Variants in VEPH1 observed in about 807,000 individuals in gnomAD.
VEPH1 encodes ventricular zone expressed PH domain containing 1.
VEPH1 carries 80 observed loss-of-function variants against 85.2 expected under a neutral mutation model. That is an observed-to-expected ratio of 0.94 (90% confidence interval 0.78 to 1.13). The LOEUF (loss-of-function observed/expected upper bound fraction) is 1.13. Ranked by LOEUF, VEPH1 falls within the 50% of genes most tolerant of loss-of-function variation. The pLI, the probability that VEPH1 is intolerant of heterozygous loss-of-function variation, is 0.00. For synonymous variants in VEPH1, 297 were observed against 348.0 expected (o/e 0.85, Z 1.63); for missense variants, 955 against 980.5 (o/e 0.97, Z 0.35).
chr3:157,310,588 G>A (rs1186706150), intron 11 of VEPH1, among the ~76,000 whole-genome samples: 1 of 152,202 alleles, frequency 6.6e-6, no homozygotes, highest in East Asian at 1.9e-4. Flanking sequence ...CAAAATTTCA[G>A]TTTCTAACAA....
chr3:157,482,225 T>TTTTC (rs1738173745), intron 2 of VEPH1, among the ~76,000 whole-genome samples: 1 of 151,234 alleles, frequency 6.6e-6, no homozygotes, highest in Non-Finnish European at 1.5e-5. Context: ...TTGGTAGGTT[T>TTTTC]TTTGTTTGTT....
rs73013622 is a variant in VEPH1, at chr3:157,486,102, A to G, written c.138+9110T>C. ...CAAAATTTGAACAATATCATTAACA[A>G]GAGTTATTTAATCAACATATTTAAT... On this transcript the variant is annotated intron_variant, in intron 2 of 13. Coordinates refer to ENST00000362010, the MANE Select transcript of VEPH1 (RefSeq NM_001167912.2). 3.3e-3 allele frequency among the ~76,000 whole-genome samples: 499 copies of G among 150,210 alleles called. 2 individuals are homozygous for G. Among genetic ancestry groups the G allele is most frequent in the African/African-American group, 0.012 (471 of 39,544 alleles).
chr3:157,481,716 T>C (rs1035373778), intron 2 of VEPH1, among the ~76,000 whole-genome samples: 1 of 152,180 alleles, frequency 6.6e-6, no homozygotes, highest in Non-Finnish European at 1.5e-5. Context: ...TAGATTATCT[T>C]TGAGGATTCT....
chr3:157,271,891 CTG>C (rs1460318666), intron 12 of VEPH1, among the ~76,000 whole-genome samples: 1 of 152,160 alleles, frequency 6.6e-6, no homozygotes, highest in African/African-American at 2.4e-5. Flanking sequence ...AAAGTGGAAA[CTG>C]TATTTCTCAA....
At chr3:157,456,030 C>T (rs189471167) in intron 4 of VEPH1, among the ~76,000 whole-genome samples, 44 of 152,158 alleles carry the variant, frequency 2.9e-4, no homozygotes, top group African/African-American at 1.0e-3. Flanking sequence ...ATTCCTTTTT[C>T]TCCACAACCT....
intron 4 of VEPH1, among the ~76,000 whole-genome samples, chr3:157,445,491 C>T (rs368963206): frequency 4.6e-5 from 7 of 152,206 alleles, no homozygotes; most frequent in African/African-American, 1.7e-4. Flanking sequence ...CATGGTGGTA[C>T]GCACCTGCAG....
intron 2 of VEPH1, among the ~76,000 whole-genome samples, chr3:157,486,665 C>G (rs1738680916): frequency 6.6e-6 from 1 of 151,966 alleles, no homozygotes; most frequent in Non-Finnish European, 1.5e-5. Flanking sequence ...ATACTTATCT[C>G]AAAAATTTAC....
intron 9 of VEPH1, among the ~76,000 whole-genome samples, chr3:157,327,163 T>C (rs1721997814): frequency 6.6e-6 from 1 of 152,088 alleles, no homozygotes; most frequent in Non-Finnish European, 1.5e-5. Context: ...ACCATTATCC[T>C]TCAGGCAAGA....
chr3:157,412,135 C>G (rs1259071754), intron 6 of VEPH1, among the ~76,000 whole-genome samples: 3 of 152,100 alleles, frequency 2.0e-5, no homozygotes, highest in Admixed American at 2.0e-4. Flanking sequence ...TGAGGCCTCC[C>G]CAAAAGCTGA....
At chr3:157,458,312 CTT>C (rs1735548208) in intron 4 of VEPH1, among the ~76,000 whole-genome samples, 1 of 152,048 alleles carries the variant, frequency 6.6e-6, no homozygotes, top group South Asian at 2.1e-4. Flanking sequence ...TTATTTGTGT[CTT>C]AATCGCCTTC....
rs973675659 is a variant in VEPH1, at chr3:157,317,124, T to C, written c.1813A>G (p.Ser605Gly). The C allele has an allele frequency of 6.2e-7, 1 of 1,613,646 alleles. No homozygotes were observed. The highest frequency in any genetic ancestry group is 1.3e-5 in the African/African-American group (1 of 74,910). Reference sequence around the variant, plus strand: ...GGTTCTTGGCTGATGAGAATAAAACTGGACTTACTGTATAGGCAGTAATGA... The same window carrying C: ...GGTTCTTGGCTGATGAGAATAAAACCGGACTTACTGTATAGGCAGTAATGA... ...KGHYCLYSKS[S>G]FILISQEPQP... The change falls in exon 10 of 14, where the codon AGT becomes GGT. Residue 605 changes from serine (S) to glycine (G), a missense_variant. Ser to Gly is a moderately conservative substitution (Grantham distance 56, BLOSUM62 0). Transcript: ENST00000362010.
intron 9 of VEPH1, among the ~76,000 whole-genome samples, chr3:157,346,481 T>C (rs925294753): frequency 2.1e-4 from 32 of 152,194 alleles, no homozygotes; most frequent in Admixed American, 2.0e-3. Context: ...TGGCTTCTCT[T>C]ACCCACTAAG....
intron 11 of VEPH1, among the ~76,000 whole-genome samples, chr3:157,308,586 A>G (rs933435673): frequency 3.3e-5 from 5 of 151,922 alleles, no homozygotes; most frequent in African/African-American, 1.2e-4. Context: ...CCTCTCAAAA[A>G]TTTTCAAACT....
Position 157,325,945 on chromosome 3 carries a change from T to G in VEPH1, c.1736-8744A>C, listed in dbSNP as rs191750048. ...GACAATATGGCCATTTTCATGATAT[T>G]GATTTTTCCTATCCATGACCATGGA... On this transcript the variant is annotated intron_variant, in intron 9 of 13. Transcript: ENST00000362010. Among the ~76,000 whole-genome samples, 154 of 152,366 alleles carry G rather than the reference T, an allele frequency of 1.0e-3. 1 individual carries two copies. Among genetic ancestry groups the G allele is most frequent in the Non-Finnish European group, 1.8e-3 (122 of 68,040 alleles).
At chr3:157,419,068 C>T (rs913228997) in intron 5 of VEPH1, among the ~76,000 whole-genome samples, 1 of 152,102 alleles carries the variant, frequency 6.6e-6, no homozygotes, top group African/African-American at 2.4e-5. Flanking sequence ...CTGACAAAAA[C>T]AAGCGAGGGG....
chr3:157,290,967 T>A (rs1717410625), intron 11 of VEPH1, among the ~76,000 whole-genome samples: 2 of 152,218 alleles, frequency 1.3e-5, no homozygotes, highest in South Asian at 4.1e-4. Flanking sequence ...CATAGTGGCC[T>A]CTGGATTTTA....
At chr3:157,443,288 T>A in intron 4 of VEPH1, 1 of 248,016 alleles carries the variant, frequency 4.0e-6, no homozygotes, top group Non-Finnish European at 7.8e-6. Flanking sequence ...GGGACAATTG[T>A]TTTACTTTTC....
rs1256114273 is a variant in VEPH1, at chr3:157,259,983, A to G, written c.*1151T>C. 6.6e-6 allele frequency: 1 copy of G among 152,196 alleles called. No homozygotes were observed. Among genetic ancestry groups the G allele is most frequent in the Admixed American group, 6.5e-5 (1 of 15,268 alleles). 9.4% of individuals were successfully genotyped at this position (152,196 alleles called of 1,614,324 possible). On this transcript the variant is annotated 3_prime_UTR_variant, in exon 14 of 14. Transcript: ENST00000362010. ...TGCTTATTTAAGGCTAATAGGAGAG[A>G]GAGTCTCTGACTGGTTCACTCTCTT...
rs58185554 is a variant in VEPH1 at position 157,304,993 on chromosome 3, GCA to G, written c.2010+8626_2010+8627del. On this transcript the variant is annotated intron_variant, in intron 11 of 13. Transcript: ENST00000362010. ...TTGGTTAATATTTTTTGTTCTCTCA[GCA>G]GAGAGAGCCAGGAAATAGTTGTCTC... is the stretch of plus-strand genomic sequence containing the variant. Among the ~76,000 whole-genome samples the G allele has an allele frequency of 7.5e-3, 1,118 of 149,156 alleles. 12 individuals carry two copies. Among genetic ancestry groups the G allele is most frequent in the African/African-American group, 0.026 (1,060 of 40,556 alleles).
Sources: gnomAD v4.1 joint callset for allele counts (sites outside exome capture counted in the v4.1 genomes callset) on GRCh38, gnomAD v4.1.1 for gene constraint, MANE v1.5 for transcripts, NCBI Gene and HGNC (gene_info 2026-07-23, HGNC 2026-07-21) for gene names.